Variants in METTL16 observed in about 807,000 individuals in gnomAD.
The protein encoded by METTL16 is methyltransferase 16, RNA N6-adenosine, also known as RNA N(6)-adenosine-methyltransferase METTL16.
In METTL16, 19 loss-of-function variants were observed where a neutral mutation model predicts 57.9. That is an observed-to-expected ratio of 0.33 (90% CI 0.23 to 0.48). The LOEUF (loss-of-function observed/expected upper bound fraction) is 0.48, where lower values mean the gene tolerates loss of function less well. METTL16 is among the 20% of genes least tolerant of loss of function. METTL16 has a pLI of 0.99. For missense variants in METTL16, 434 were observed against 691.5 expected, an observed-to-expected ratio of 0.63 and a Z score of 4.18; for synonymous variants, 246 against 255.6, an observed-to-expected ratio of 0.96 and a Z score of 0.36.
chr17:2,420,206 T>C lies in METTL16; in HGVS notation c.1453A>G (p.Asn485Asp), dbSNP rs760635984. The C allele has an allele frequency of 6.2e-7, 1 of 1,614,230 alleles. No individual in the cohort carries two copies. The highest frequency in any genetic ancestry group is 8.5e-7 in the Non-Finnish European group (1 of 1,180,034). The stretch of plus-strand genomic sequence containing the variant: ...GAAGCCTCTTGGTCCTGGGCTCCGT[T>C]GCTAGAGCCTTGACAACTTTCCAAA... Reference protein sequence around the residue: ...EVLESCQGSSNGAQDQEASEQ... With the variant: ...EVLESCQGSSDGAQDQEASEQ... The change falls in exon 10 of 10, where the codon AAC becomes GAC. Residue 485 changes from asparagine to aspartate, a missense_variant. This residue lies in a region of METTL16 where 168 missense variants were observed against 149.6 expected (regional missense o/e 1.12). Transcript: ENST00000263092. This position sits in a 1 kb window ranked among gnomAD's most constrained non-coding sequence, Gnocchi z 5.4.
At position 2,443,264 on chromosome 17, in the gene METTL16, A is replaced by G. The variant is rs8067484; in HGVS notation, c.729-1705T>C. ...GCTGGAATTACAAGCATGAGCCACC[A>G]TGCGTGACAGAGAAATAGATAACTT... On this transcript the variant is annotated intron_variant, in intron 6 of 9. Transcript: ENST00000263092. 4.7e-3 allele frequency among the ~76,000 whole-genome samples: 723 copies of G among 152,320 alleles called. 6 individuals carry two copies. Among genetic ancestry groups the G allele is most frequent in the African/African-American group, 0.016 (657 of 41,566 alleles).
intron 3 of METTL16, among the ~76,000 whole-genome samples, chr17:2,474,673 C>A (rs2028601): frequency 0.18 from 26,731 of 152,264 alleles, 3,016 homozygotes; most frequent in Middle Eastern, 0.28. Flanking sequence ...CACCTGTAGT[C>A]CCAGCACTTT....
chr17:2,499,228 C>G (rs1041779543), intron 2 of METTL16, among the ~76,000 whole-genome samples: 1 of 151,160 alleles, frequency 6.6e-6, no homozygotes, highest in African/African-American at 2.5e-5. Context: ...TTAAGGCTTT[C>G]CTAGAACTGA....
chr17:2,419,827 G>C lies in METTL16; in HGVS notation c.*143C>G, dbSNP rs2066746683. 2.0e-6 allele frequency: 2 copies of C among 999,154 alleles called. No individual in the cohort carries two copies. The highest frequency in any genetic ancestry group is 3.0e-6 in the Non-Finnish European group (2 of 657,702). The allele number at this position is 999,154 out of a possible 1,614,324, so 61.9% of individuals were successfully genotyped here. On this transcript the variant is annotated 3_prime_UTR_variant, in exon 10 of 10. Coordinates refer to ENST00000263092, the MANE Select transcript of METTL16 (RefSeq NM_024086.4). ...AGCGGGAAGGAGGCGGGGGGAGGTG[G>C]GGGACAGATTCATAGGTTTTTGTTT...
rs759856708 is a variant in METTL16, at chr17:2,420,888, C to T, written c.905G>A (p.Arg302Gln). The change falls in exon 9 of 10, where the codon CGA (arginine) becomes CAA (glutamine). Residue 302 changes from arginine to glutamine, a missense_variant. Coordinates refer to ENST00000263092, the MANE Select transcript of METTL16 (RefSeq NM_024086.4). The surrounding 1 kb of genome is among the most constrained non-coding windows in gnomAD (Gnocchi z 5.4). ...TTTTCTCGGTTTCTCTAATTTTCTTCGCTTACTTGGTGGTGACTGCAAGAA... is the reference window on the plus strand; with the variant it reads ...TTTTCTCGGTTTCTCTAATTTTCTTTGCTTACTTGGTGGTGACTGCAAGAA... Reference protein sequence around the residue: ...DVTVPSPPSKRRKLEKPRKPI... With the variant: ...DVTVPSPPSKQRKLEKPRKPI... 14 of 1,613,118 alleles carry T rather than the reference C, an allele frequency of 8.7e-6. No individual in the cohort carries two copies. Among genetic ancestry groups the T allele is most frequent in the Admixed American group, 1.7e-5 (1 of 59,778 alleles).
chr17:2,448,781 T>TAAAAAAAAAAAAAAA (rs1369462081), intron 6 of METTL16, among the ~76,000 whole-genome samples: 1 of 33,690 alleles, frequency 3.0e-5, no homozygotes, highest in African/African-American at 9.8e-5. Flanking sequence ...AATAAAAAAA[T>TAAAAAAAAAAAAAAA]AAAAAAATAA....
At chr17:2,467,992 G>C (rs773563679) in intron 4 of METTL16, 116 bp from the exon 5 acceptor site, 9 of 689,550 alleles carry the variant, frequency 1.3e-5, no homozygotes, top group Non-Finnish European at 2.1e-5. Context: ...GGTCCCGTAA[G>C]ATTATAACAC....
In METTL16 at chr17:2,420,292, T is replaced by C; in HGVS notation, c.1367A>G (p.Gln456Arg). Reference protein sequence around the residue: ...GPCPSQESLSQEENPEPTEDE... With the variant: ...GPCPSQESLSREENPEPTEDE... ...CTCCGTGGGTTCCGGGTTTTCCTCC[T>C]GGGACAGGGACTCCTGGCTCGGGCA... is the stretch of plus-strand genomic sequence containing the variant. The change falls in exon 10 of 10, where the codon CAG (glutamine) becomes CGG (arginine). Residue 456 changes from glutamine (Q) to arginine (R), a missense_variant. Around this residue, in one of 5 missense-constraint regions of METTL16, gnomAD observed 168 missense variants for 149.6 expected, o/e 1.12. Coordinates refer to ENST00000263092, the MANE Select transcript of METTL16 (RefSeq NM_024086.4). The surrounding 1 kb of genome is among the most constrained non-coding windows in gnomAD (Gnocchi z 5.4). The C allele has an allele frequency of 6.2e-7, 1 of 1,613,310 alleles. No homozygotes were observed. The highest frequency in any genetic ancestry group is 8.5e-7 in the Non-Finnish European group (1 of 1,180,024).
chr17:2,445,597 C>T (rs2066989086), intron 6 of METTL16, among the ~76,000 whole-genome samples: 1 of 151,818 alleles, frequency 6.6e-6, no homozygotes, highest in Non-Finnish European at 1.5e-5. Flanking sequence ...ACCAGCCTGG[C>T]CAATATGGCA....
intron 2 of METTL16, among the ~76,000 whole-genome samples, chr17:2,482,176 A>C (rs1260624350): frequency 6.6e-6 from 1 of 152,242 alleles, no homozygotes; most frequent in Non-Finnish European, 1.5e-5. Flanking sequence ...AGATAAATTA[A>C]GGAACTACAG....
Position 2,420,004 on chromosome 17 carries a change from C to T in METTL16, c.1655G>A (p.Arg552His), listed in dbSNP as rs769000236. 1.1e-5 allele frequency: 18 copies of T among 1,614,042 alleles called. No individual in the cohort carries two copies. The highest frequency in any genetic ancestry group is 1.4e-5 in the Non-Finnish European group (17 of 1,180,050). Residue 552 changes from arginine to histidine, a missense_variant, in exon 10 of 10, where the codon CGT becomes CAT. This residue lies in a region of METTL16 where 26 missense variants were observed against 60.7 expected (regional missense o/e 0.43). Transcript: ENST00000263092. The surrounding 1 kb of genome is among the most constrained non-coding windows in gnomAD (Gnocchi z 5.4). The stretch of plus-strand genomic sequence containing the variant: ...TGCAACAAGCCTGAAAATTTGGTTA[C>T]GTATGTAGGTGCAAAGCTGGTTCAT... ...DLMNQLCTYI[R>H]NQIFRLVAVN
intron 2 of METTL16, 98 bp from the exon 3 acceptor site, chr17:2,477,983 C>G: frequency 1.1e-6 from 1 of 945,628 alleles, no homozygotes; most frequent in Non-Finnish European, 1.6e-6. Context: ...CCATCCGAAC[C>G]TCCCAGGGAG....
intron 3 of METTL16, among the ~76,000 whole-genome samples, chr17:2,475,572 A>G (rs1437931069): frequency 6.6e-6 from 1 of 152,222 alleles, no homozygotes; most frequent in East Asian, 1.9e-4. Context: ...TGTCAGCGCC[A>G]AAAAAAGTTT....
At chr17:2,476,442 A>C (rs778881924) in intron 3 of METTL16, among the ~76,000 whole-genome samples, 2 of 152,204 alleles carry the variant, frequency 1.3e-5, no homozygotes, top group Non-Finnish European at 2.9e-5. Flanking sequence ...AGCTACAGGA[A>C]GGTATGCCTG....
intron 4 of METTL16, 38 bp downstream of exon 4, chr17:2,473,486 G>C: frequency 6.4e-7 from 1 of 1,573,920 alleles, no homozygotes; most frequent in Non-Finnish European, 8.6e-7. Context: ...GGCAGGTGAA[G>C]ACACAAAGTT....
At chr17:2,489,101 A>G (rs572280016) in intron 2 of METTL16, among the ~76,000 whole-genome samples, 1 of 136,962 alleles carries the variant, frequency 7.3e-6, no homozygotes, top group Non-Finnish European at 1.5e-5. Flanking sequence ...ATCAAGCTAA[A>G]CTTTTCATTC....
At chr17:2,480,777 C>T (rs1216577995) in intron 2 of METTL16, among the ~76,000 whole-genome samples, 2 of 152,156 alleles carry the variant, frequency 1.3e-5, no homozygotes, top group Non-Finnish European at 2.9e-5. Context: ...GAATAAAATA[C>T]ATGAGTCCAT....
At chr17:2,479,144 C>T (rs532576916) in intron 2 of METTL16, among the ~76,000 whole-genome samples, 121 of 151,954 alleles carry the variant, frequency 8.0e-4, no homozygotes, top group African/African-American at 2.8e-3. Flanking sequence ...AGAGCAGGGT[C>T]TTTTTTGGTT....
intron 4 of METTL16, among the ~76,000 whole-genome samples, chr17:2,470,106 A>G (rs1275786783): frequency 6.6e-6 from 1 of 152,196 alleles, no homozygotes; most frequent in East Asian, 1.9e-4. Context: ...TATCGAATAT[A>G]TGTCGCTGAT....
Sources: gnomAD v4.1 joint callset for allele counts (sites outside exome capture counted in the v4.1 genomes callset) on GRCh38, gnomAD v4.1.1 for gene constraint, gnomAD v4.1.1 regional missense constraint, Gnocchi (gnomAD v3.1) non-coding constraint, MANE v1.5 for transcripts, NCBI Gene and HGNC (gene_info 2026-07-23, HGNC 2026-07-21) for gene names.